The following CELF2 variants were observed in gnomAD, a reference collection of about 807,000 sequenced individuals.
The protein encoded by CELF2 is CUGBP Elav-like family member 2.
In CELF2, 8 loss-of-function variants were observed where a neutral mutation model predicts 62.6. That is an observed-to-expected ratio of 0.13 (90% confidence interval 0.07 to 0.23). CELF2 has a LOEUF of 0.23. Ranked by LOEUF, CELF2 falls within the 10% of genes least tolerant of loss-of-function variation. The probability of loss-of-function intolerance (pLI) is 1.00; values close to 1 mark genes in which losing one functional copy is unlikely to be tolerated. For missense variants in CELF2, 333 were observed against 671.0 expected (o/e 0.50, Z 5.56); for synonymous variants, 258 against 250.0 (o/e 1.03, Z -0.30).
the CELF2 span, among the ~76,000 whole-genome samples, chr10:10,675,945 A>G: frequency 1.3e-5 from 2 of 152,130 alleles, no homozygotes; most frequent in South Asian, 4.1e-4. Flanking sequence ...CCAACTTCCC[A>G]GTATGTTTGG....
At chr10:10,907,585 A>C (rs1390000635) in intron 1 of CELF2, among the ~76,000 whole-genome samples, 1 of 152,162 alleles carries the variant, frequency 6.6e-6, no homozygotes, top group Non-Finnish European at 1.5e-5. Flanking sequence ...CATTTTATGA[A>C]TATTCTGTTA....
intron 2 of CELF2, among the ~76,000 whole-genome samples, chr10:11,204,278 CAG>C (rs1384299521): frequency 2.0e-5 from 3 of 152,276 alleles, no homozygotes; most frequent in South Asian, 2.1e-4. Context: ...ATGGATCAAA[CAG>C]AATCTATTTC....
intron 1 of CELF2, among the ~76,000 whole-genome samples, chr10:11,051,752 G>C (rs1204248773): frequency 6.6e-6 from 1 of 152,134 alleles, no homozygotes; most frequent in African/African-American, 2.4e-5. Flanking sequence ...GGTCAAGGAA[G>C]GCTTCACTGA....
At chr10:11,015,283 T>G (rs995673195), upstream of CELF2, among the ~76,000 whole-genome samples, 4 of 152,210 alleles carry the variant, frequency 2.6e-5, no homozygotes, top group African/African-American at 9.7e-5. This position sits in a 1 kb window ranked among gnomAD's most constrained non-coding sequence, Gnocchi z 4.8. Flanking sequence ...GGTGTTCTTG[T>G]TTTGTTTTCT....
chr10:10,589,343 C>A, the CELF2 span, among the ~76,000 whole-genome samples: 2 of 152,166 alleles, frequency 1.3e-5, no homozygotes, highest in East Asian at 3.8e-4. Flanking sequence ...TGTTTCTTAT[C>A]AGAGTTAAAG....
intron 1 of CELF2, among the ~76,000 whole-genome samples, chr10:11,093,595 A>G (rs983292813): frequency 3.9e-5 from 6 of 152,216 alleles, no homozygotes; most frequent in South Asian, 4.1e-4. Context: ...AACTGTTCCT[A>G]TATGTCAAGC....
In CELF2 at chr10:10,960,870, G is replaced by T. The variant is rs558279840; in HGVS notation, c.89+40871G>T. 6.6e-5 allele frequency among the ~76,000 whole-genome samples: 10 copies of T among 152,242 alleles called. No individual in the cohort carries two copies. In the East Asian group the frequency reaches 1.7e-3, roughly 26 times the overall value. On this transcript the variant is annotated intron_variant, in intron 2 of 13. Transcript: ENST00000636488. ...AGCTTTGTACATTTCAACACAATAG[G>T]CACATTTAGAGTCACATTGTAACTA...
the CELF2 span, among the ~76,000 whole-genome samples, chr10:10,538,323 C>G: frequency 0.017 from 2,661 of 152,220 alleles, 76 homozygotes; most frequent in African/African-American, 0.06. Context: ...GGCAAGAGAG[C>G]CCCAGTGCTG....
rs941659414 is a variant in CELF2, at chr10:11,296,788, G to A, written c.976+8236G>A. Among the ~76,000 whole-genome samples, 1 of 152,214 alleles carries A rather than the reference G, an allele frequency of 6.6e-6. No homozygotes were observed. The highest frequency in any genetic ancestry group is 1.5e-5 in the Non-Finnish European group (1 of 68,050). ...CCCCAAGGAAGTAAGGGAAATTTTAGTAGAAGAGTTGACATTTGAGCCAAA... is the reference window on the plus strand; with the variant it reads ...CCCCAAGGAAGTAAGGGAAATTTTAATAGAAGAGTTGACATTTGAGCCAAA... On this transcript the variant is annotated intron_variant, in intron 9 of 12. Transcript: ENST00000633077. The surrounding 1 kb of genome is among the most constrained non-coding windows in gnomAD (Gnocchi z 5.0).
chr10:11,273,738 T>G (rs1241554908), intron 7 of CELF2, among the ~76,000 whole-genome samples: 2 of 151,886 alleles, frequency 1.3e-5, no homozygotes, highest in African/African-American at 4.8e-5. Context: ...TTTGTTTTTT[T>G]TGAGACAGAG....
rs1034336936 is a variant in CELF2, at chr10:11,237,632, A to G, written c.355-11521A>G. ...ATCTCCACACTGGGTGAGGGTTACA[A>G]GGGAGGCTGGGGGTCAGCCACTCAC... On this transcript the variant is annotated intron_variant, in intron 3 of 12. Transcript: ENST00000633077. The surrounding 1 kb of genome is among the most constrained non-coding windows in gnomAD (Gnocchi z 4.0). Among the ~76,000 whole-genome samples, 4 of 152,184 alleles carry G rather than the reference A, an allele frequency of 2.6e-5. No homozygotes were observed. The highest frequency in any genetic ancestry group is 9.6e-5 in the African/African-American group (4 of 41,452).
the CELF2 span, among the ~76,000 whole-genome samples, chr10:10,634,955 T>G: frequency 6.6e-6 from 1 of 152,182 alleles, no homozygotes; most frequent in African/African-American, 2.4e-5. Flanking sequence ...CTCCCTGTTT[T>G]GGCTCAGCCC....
At chr10:10,566,575 G>A in the CELF2 span, among the ~76,000 whole-genome samples, 9 of 84,644 alleles carry the variant, frequency 1.1e-4, no homozygotes, top group African/African-American at 2.0e-4. Flanking sequence ...CCCCTCCCCC[G>A]ACCCCACCAC....
the CELF2 span, among the ~76,000 whole-genome samples, chr10:10,696,110 G>T: frequency 6.6e-6 from 1 of 152,052 alleles, no homozygotes; most frequent in African/African-American, 2.4e-5. Flanking sequence ...CAGTTTTTCT[G>T]TTCTGTTTTT....
chr10:11,065,717 AGT>A lies in CELF2; in HGVS notation c.74+47558_74+47559del, dbSNP rs2067948541. On this transcript the variant is annotated intron_variant, in intron 1 of 12. Coordinates refer to ENST00000633077, the MANE Select transcript of CELF2 (RefSeq NM_001326342.2). ...CAAACCCCACCCCCCGCCATTGCTG[AGT>A]GTGCACTCTAGTGAGGAATGCAGAT... Among the ~76,000 whole-genome samples, 2 of 152,252 alleles carry A rather than the reference AGT, an allele frequency of 1.3e-5. 1 individual carries two copies. The highest frequency in any genetic ancestry group is 3.9e-4 in the East Asian group (2 of 5,162).
the CELF2 span, among the ~76,000 whole-genome samples, chr10:10,541,383 A>G: frequency 6.6e-6 from 1 of 152,198 alleles, no homozygotes; most frequent in Non-Finnish European, 1.5e-5. Context: ...AATTCAAGGC[A>G]AATCCCTAGA....
At chr10:10,935,758 G>A (rs996553010) in intron 2 of CELF2, among the ~76,000 whole-genome samples, 1 of 152,142 alleles carries the variant, frequency 6.6e-6, no homozygotes, top group Admixed American at 6.5e-5. Flanking sequence ...CAGTGGTTCT[G>A]CAAATATTTC....
chr10:10,829,144 G>A (rs924048944), intron 1 of CELF2, among the ~76,000 whole-genome samples: 5 of 152,182 alleles, frequency 3.3e-5, no homozygotes, highest in Non-Finnish European at 7.3e-5. Context: ...TCTCACCATA[G>A]TTATCTTGTC....
chr10:11,096,819 GT>G (rs1305984564), intron 1 of CELF2, among the ~76,000 whole-genome samples: 1 of 152,200 alleles, frequency 6.6e-6, no homozygotes, highest in Non-Finnish European at 1.5e-5. Flanking sequence ...GATGATGGAG[GT>G]TACTTTCAAA....
Sources: gnomAD v4.1 joint callset for allele counts (sites outside exome capture counted in the v4.1 genomes callset) on GRCh38, gnomAD v4.1.1 for gene constraint, Gnocchi (gnomAD v3.1) non-coding constraint, MANE v1.5 for transcripts, NCBI Gene and HGNC (gene_info 2026-07-23, HGNC 2026-07-21) for gene names.